Variants in DLG2 observed in about 807,000 individuals in gnomAD.
DLG2 encodes the protein disks large homolog 2.
In DLG2, 45 loss-of-function variants were observed where a neutral mutation model predicts 132.5. The ratio of observed to expected loss-of-function variants is 0.34; its 90% CI spans 0.27 to 0.44. The LOEUF (loss-of-function observed/expected upper bound fraction) is 0.44, where lower values mean the gene tolerates loss of function less well. Among genes scored for constraint, DLG2 ranks in the 20% least tolerant of loss-of-function variants. The pLI is 1.00. For synonymous variants in DLG2, 424 were observed against 419.6 expected, an observed-to-expected ratio of 1.01 and a Z score of -0.13; for missense variants, 1,045 against 1,196.9, an observed-to-expected ratio of 0.87 and a Z score of 1.87.
intron 27 of DLG2, 63 bp from the exon 28 acceptor site, chr11:83,459,987 TCAC>T: frequency 1.1e-6 from 1 of 916,920 alleles, no homozygotes; most frequent in Middle Eastern, 2.2e-4. Flanking sequence ...AGAACAATCA[TCAC>T]TTACACATTG....
intron 7 of DLG2, among the ~76,000 whole-genome samples, chr11:84,451,989 T>G (rs186886744): frequency 3.1e-4 from 47 of 151,822 alleles, no homozygotes; most frequent in Admixed American, 8.6e-4. Context: ...TATGGTTTTT[T>G]GAAAAAGTAG....
intron 4 of DLG2, among the ~76,000 whole-genome samples, chr11:85,265,155 T>C (rs2077141165): frequency 6.6e-6 from 1 of 152,178 alleles, no homozygotes; most frequent in Admixed American, 6.5e-5. Context: ...TTCTTTCCTA[T>C]CATATGGACA....
chr11:83,491,878 C>T (rs939349657), intron 21 of DLG2, among the ~76,000 whole-genome samples: 9 of 150,794 alleles, frequency 6.0e-5, no homozygotes, highest in Non-Finnish European at 1.3e-4. Flanking sequence ...CTCTTCCCTT[C>T]TGAACTTACT....
intron 14 of DLG2, among the ~76,000 whole-genome samples, chr11:83,931,277 ATAT>A (rs1169162004): frequency 1.3e-5 from 2 of 152,192 alleles, no homozygotes; most frequent in Non-Finnish European, 2.9e-5. Flanking sequence ...TAATTTGAAA[ATAT>A]TATTATACAC....
intron 6 of DLG2, among the ~76,000 whole-genome samples, chr11:85,086,440 T>C (rs890034321): frequency 3.3e-5 from 5 of 152,124 alleles, no homozygotes; most frequent in Admixed American, 2.6e-4. Context: ...AGCACTACAC[T>C]AGCTAATCTG....
chr11:83,795,533 T>C (rs967522020), intron 17 of DLG2, among the ~76,000 whole-genome samples: 3 of 152,154 alleles, frequency 2.0e-5, no homozygotes, highest in East Asian at 3.8e-4. Flanking sequence ...CACAATAATA[T>C]TGGTAATGAA....
At chr11:83,924,331 G>C (rs1471148610) in intron 15 of DLG2, among the ~76,000 whole-genome samples, 1 of 152,106 alleles carries the variant, frequency 6.6e-6, no homozygotes, top group Non-Finnish European at 1.5e-5. Context: ...CCAAAGATAA[G>C]TTTTAGTATT....
chr11:84,909,243 T>C (rs1343108433), intron 6 of DLG2, among the ~76,000 whole-genome samples: 1 of 152,226 alleles, frequency 6.6e-6, no homozygotes, highest in East Asian at 1.9e-4. Context: ...ACAAGATTAC[T>C]GAATCAAAAC....
chr11:85,177,186 G>A (rs963133782), intron 4 of DLG2, among the ~76,000 whole-genome samples: 4 of 151,682 alleles, frequency 2.6e-5, no homozygotes, highest in African/African-American at 9.7e-5. Context: ...ATTCACAATA[G>A]CAAAGACATG....
At chr11:83,666,667 C>T (rs968189851) in intron 18 of DLG2, among the ~76,000 whole-genome samples, 6 of 152,132 alleles carry the variant, frequency 3.9e-5, no homozygotes, top group African/African-American at 7.2e-5. Flanking sequence ...TTGTTCCCTA[C>T]GTGGTTACCT....
chr11:85,524,503 A>ATT (rs111886786), intron 3 of DLG2, among the ~76,000 whole-genome samples: 2 of 151,966 alleles, frequency 1.3e-5, no homozygotes, highest in Admixed American at 6.6e-5. Context: ...ATTTTATTTC[A>ATT]TTTTTTTGAG....
chr11:85,602,402 T>C (rs1038811413), intron 2 of DLG2, among the ~76,000 whole-genome samples: 8 of 152,146 alleles, frequency 5.3e-5, no homozygotes, highest in Admixed American at 2.6e-4. Flanking sequence ...TTTTCTTTTT[T>C]CTTTCTGTCT....
At chr11:85,516,003 T>C (rs1429892673) in intron 3 of DLG2, among the ~76,000 whole-genome samples, 1 of 151,986 alleles carries the variant, frequency 6.6e-6, no homozygotes, top group Non-Finnish European at 1.5e-5. Context: ...CAGAGTGAAA[T>C]CCCAATAATT....
Position 84,409,832 on chromosome 11 carries a change from C to T in DLG2, c.519+124738G>A, listed in dbSNP as rs2098889260. 2.0e-5 allele frequency among the ~76,000 whole-genome samples: 3 copies of T among 152,098 alleles called. No homozygotes were observed. The South Asian group carries it at 6.2e-4, about 31-fold the overall frequency. On this transcript the variant is annotated intron_variant, in intron 7 of 27. Transcript: ENST00000376104. Reference sequence around the variant, plus strand: ...AAATGGTTCATTTGTATGTTATAAACGTAGCACAATTCCTCCCTCCCTTCA... The same window carrying T: ...AAATGGTTCATTTGTATGTTATAAATGTAGCACAATTCCTCCCTCCCTTCA...
chr11:83,565,848 C>A lies in DLG2; in HGVS notation c.1941-23990G>T, dbSNP rs567225411. On this transcript the variant is annotated intron_variant, in intron 19 of 27. Transcript: ENST00000376104. ...CACTTATTCAAGAATATTTCAATAA[C>A]TGTACTTAGTACAAAGCCAGGACTG... Among the ~76,000 whole-genome samples, 44 of 152,310 alleles carry A rather than the reference C, an allele frequency of 2.9e-4. No homozygotes were observed. In the South Asian group the frequency reaches 9.1e-3, roughly 32 times the overall value.
At chr11:84,763,573 GAC>G (rs1304274728) in intron 6 of DLG2, among the ~76,000 whole-genome samples, 1 of 151,994 alleles carries the variant, frequency 6.6e-6, no homozygotes, top group African/African-American at 2.4e-5. Context: ...TCTTCTCCTA[GAC>G]ACAGTTTCTC....
At chr11:84,271,440 C>T (rs2097720887) in intron 7 of DLG2, among the ~76,000 whole-genome samples, 1 of 152,184 alleles carries the variant, frequency 6.6e-6, no homozygotes, top group Non-Finnish European at 1.5e-5. Context: ...TAACACATCC[C>T]TGCCCCTACC....
chr11:84,304,699 T>C (rs575359799), intron 7 of DLG2, among the ~76,000 whole-genome samples: 4 of 152,354 alleles, frequency 2.6e-5, no homozygotes, highest in African/African-American at 9.6e-5. Context: ...TTGGAATTAC[T>C]CATGATTTTC....
chr11:84,906,381 A>AACACACACACACAC (rs35833007), intron 6 of DLG2, among the ~76,000 whole-genome samples: 1,637 of 144,084 alleles, frequency 0.011, 5 homozygotes, highest in East Asian at 0.017. Context: ...CAGCAAGGCT[A>AACACACACACACAC]ACACACACAC....
Sources: gnomAD v4.1 joint callset for allele counts (sites outside exome capture counted in the v4.1 genomes callset) on GRCh38, gnomAD v4.1.1 for gene constraint, MANE v1.5 for transcripts, NCBI Gene and HGNC (gene_info 2026-07-23, HGNC 2026-07-21) for gene names.